Variants in ANO3 observed in about 807,000 individuals in gnomAD.
ANO3 encodes the protein anoctamin 3.
A neutral mutation model predicts 144.8 loss-of-function variants in ANO3; 99 were observed. That is an observed-to-expected ratio of 0.68 (90% CI 0.58 to 0.81). The LOEUF (loss-of-function observed/expected upper bound fraction) is 0.81, where lower values mean the gene tolerates loss of function less well. Among genes scored for constraint, ANO3 ranks in the 30% least tolerant of loss-of-function variants. The pLI, the probability that ANO3 is intolerant of heterozygous loss-of-function variation, is 0.00. For missense variants in ANO3, 905 were observed against 1,202.2 expected (o/e 0.75, Z 3.66); for synonymous variants, 414 against 392.6 (o/e 1.05, Z -0.64).
chr11:26,625,807 A>C (rs1409300542), intron 18 of ANO3, among the ~76,000 whole-genome samples: 1 of 151,798 alleles, frequency 6.6e-6, no homozygotes, highest in South Asian at 2.1e-4. Context: ...TTTCATAAAC[A>C]CTCTGGGAAT....
chr11:26,405,099 A>T (rs966979924), intron 1 of ANO3, among the ~76,000 whole-genome samples: 1 of 151,684 alleles, frequency 6.6e-6, no homozygotes, highest in South Asian at 2.1e-4. Flanking sequence ...CATTTAAAAA[A>T]TGTTACTTTT....
chr11:26,602,750 C>CAA (rs34039557), intron 17 of ANO3, among the ~76,000 whole-genome samples: 29 of 147,348 alleles, frequency 2.0e-4, no homozygotes, highest in South Asian at 1.1e-3. Context: ...GACCAAGTCT[C>CAA]AAAAAAAAAA....
In ANO3 at chr11:26,569,344, T is replaced by C. The variant is rs111536944; in HGVS notation, c.1447+9565T>C. On this transcript the variant is annotated intron_variant, in intron 14 of 26. Coordinates refer to ENST00000256737, the MANE Select transcript of ANO3 (RefSeq NM_031418.4). The stretch of plus-strand genomic sequence containing the variant: ...AGTATGTTGTGAATACTATTAAATA[T>C]TTATGGTTTATTCAGAAATTTATAC... Among the ~76,000 whole-genome samples the C allele has an allele frequency of 9.2e-4, 140 of 152,216 alleles. 1 individual carries two copies. The highest frequency in any genetic ancestry group is 3.3e-3 in the African/African-American group (137 of 41,550).
intron 1 of ANO3, among the ~76,000 whole-genome samples, chr11:26,435,677 T>A (rs917342902): frequency 6.6e-6 from 1 of 152,214 alleles, no homozygotes; most frequent in Non-Finnish European, 1.5e-5. Flanking sequence ...CTTGGTCTGT[T>A]CTACTGTTAA....
intron 4 of ANO3, among the ~76,000 whole-genome samples, chr11:26,506,448 A>C (rs1861438689): frequency 1.3e-5 from 2 of 152,186 alleles, no homozygotes; most frequent in Admixed American, 6.5e-5. Flanking sequence ...ACTTGGCACA[A>C]TGCATAGTAC....
At chr11:26,474,203 A>G (rs1458733170) in intron 4 of ANO3, 9 of 573,350 alleles carry the variant, frequency 1.6e-5, no homozygotes, top group Non-Finnish European at 2.0e-5. Context: ...AGAGAAGCCA[A>G]TTGAGAGAAA....
intron 4 of ANO3, among the ~76,000 whole-genome samples, chr11:26,475,296 A>T (rs1422796952): frequency 2.0e-5 from 3 of 151,948 alleles, no homozygotes. Context: ...ATCACACTTT[A>T]TCCGGTTAAC....
At chr11:26,332,387 G>C (rs1855074574) in intron 1 of ANO3, 66 bp downstream of exon 1, 1 of 1,508,888 alleles carries the variant, frequency 6.6e-7, no homozygotes, top group African/African-American at 1.4e-5. Context: ...CCTTGCAGTT[G>C]TGTAGGAGCA....
chr11:26,378,954 C>G (rs1218004586), intron 1 of ANO3, among the ~76,000 whole-genome samples: 2 of 91,272 alleles, frequency 2.2e-5, no homozygotes, highest in Non-Finnish European at 2.2e-5. Flanking sequence ...TTGAACAAAA[C>G]AAAAAACAAC....
intron 14 of ANO3, among the ~76,000 whole-genome samples, chr11:26,570,986 TA>T (rs1565115187): frequency 6.6e-6 from 1 of 151,694 alleles, no homozygotes; most frequent in Non-Finnish European, 1.5e-5. Context: ...AAAGAAAAAA[TA>T]AAAAAGAAAA....
At chr11:26,456,268 A>G (rs886964962) in intron 3 of ANO3, among the ~76,000 whole-genome samples, 1 of 152,186 alleles carries the variant, frequency 6.6e-6, no homozygotes, top group African/African-American at 2.4e-5. Flanking sequence ...AAAAGAAACT[A>G]CCATCAGAGT....
At position 26,537,472 on chromosome 11, in the gene ANO3, A is replaced by C. The variant is rs756721798; in HGVS notation, c.1032+11A>C. ...TTTCCACCACATGAGGTAATTTTGA[A>C]ATACAGTTTCCGCTTTATAAACAAG... On this transcript the variant is annotated intron_variant, in intron 10 of 26. Coordinates refer to ENST00000256737, the MANE Select transcript of ANO3 (RefSeq NM_031418.4). 9.9e-6 allele frequency: 16 copies of C among 1,610,190 alleles called. No homozygotes were observed. In the East Asian group the frequency reaches 3.3e-4, roughly 34 times the overall value.
chr11:26,618,055 G>A (rs967559973), intron 17 of ANO3, among the ~76,000 whole-genome samples: 5 of 152,078 alleles, frequency 3.3e-5, no homozygotes, highest in African/African-American at 1.2e-4. Context: ...TAAAATATAT[G>A]CTTTTTTGTT....
chr11:26,542,190 A>G, intron 11 of ANO3, 122 bp downstream of exon 11: 1 of 1,062,638 alleles, frequency 9.4e-7, no homozygotes, highest in Non-Finnish European at 1.3e-6. Context: ...AACCACTATA[A>G]GATTTTTCAG....
rs186000178 is a variant in ANO3 at position 26,532,036 on chromosome 11, T to C, written c.869+700T>C. On this transcript the variant is annotated intron_variant, in intron 8 of 26. Coordinates refer to ENST00000256737, the MANE Select transcript of ANO3 (RefSeq NM_031418.4). ...TAAAGATAGGAAAAGGCGTGATGTA[T>C]TGAAGGACTATAGCTATAGGGCCTA... Among the ~76,000 whole-genome samples the C allele has an allele frequency of 6.8e-4, 103 of 152,302 alleles. 1 individual carries two copies. The East Asian group carries it at 0.019, about 27-fold the overall frequency.
intron 1 of ANO3, among the ~76,000 whole-genome samples, chr11:26,249,400 A>G (rs1852874834): frequency 6.6e-6 from 1 of 152,226 alleles, no homozygotes; most frequent in Non-Finnish European, 1.5e-5. Flanking sequence ...GGATAGAGTG[A>G]TATTTTAATT....
chr11:26,659,097 C>CAT (rs1463401547), intron 26 of ANO3, among the ~76,000 whole-genome samples: 14 of 146,670 alleles, frequency 9.5e-5, no homozygotes, highest in Non-Finnish European at 1.8e-4. Context: ...CACACACACA[C>CAT]ACATATATAT....
chr11:26,202,300 A>C (rs1851711367), intron 1 of ANO3, among the ~76,000 whole-genome samples: 2 of 144,512 alleles, frequency 1.4e-5, no homozygotes, highest in Non-Finnish European at 1.5e-5. Context: ...ATATAGATAC[A>C]TATTATATAT....
chr11:26,598,522 C>T (rs545736775), intron 15 of ANO3, 75 bp downstream of exon 15: 17 of 1,023,664 alleles, frequency 1.7e-5, no homozygotes, highest in Admixed American at 7.4e-5. Flanking sequence ...CCTAGCATTC[C>T]GGCTGGAAGC....
Sources: gnomAD v4.1 joint callset for allele counts (sites outside exome capture counted in the v4.1 genomes callset) on GRCh38, gnomAD v4.1.1 for gene constraint, MANE v1.5 for transcripts, NCBI Gene and HGNC (gene_info 2026-07-23, HGNC 2026-07-21) for gene names.